Variants in SDCCAG8 observed in about 807,000 individuals in gnomAD.
SDCCAG8 encodes the protein SHH signaling and ciliogenesis regulator SDCCAG8.
In SDCCAG8, 74 loss-of-function variants were observed where a neutral mutation model predicts 101.8. The ratio of observed to expected loss-of-function variants is 0.73; its 90% CI spans 0.60 to 0.88. The LOEUF (loss-of-function observed/expected upper bound fraction) is 0.88, where lower values mean the gene tolerates loss of function less well. Among genes scored for constraint, SDCCAG8 ranks in the 40% least tolerant of loss-of-function variants. SDCCAG8 has a pLI of 0.00. For missense variants in SDCCAG8, 787 were observed against 822.6 expected (o/e 0.96, Z 0.53); for synonymous variants, 281 against 292.9 (o/e 0.96, Z 0.41).
intron 6 of SDCCAG8, among the ~76,000 whole-genome samples, chr1:243,295,917 T>C (rs1422698365): frequency 6.6e-6 from 1 of 152,188 alleles, no homozygotes; most frequent in Non-Finnish European, 1.5e-5. Context: ...CTCACAAGTG[T>C]TTTTCACTTT....
chr1:243,289,863 C>T (rs2070048317), intron 5 of SDCCAG8, among the ~76,000 whole-genome samples: 1 of 152,038 alleles, frequency 6.6e-6, no homozygotes, highest in South Asian at 2.1e-4. Context: ...AGAAGAATCT[C>T]CTTTTTATTG....
intron 7 of SDCCAG8, chr1:243,304,995 T>C: frequency 1.8e-6 from 1 of 542,280 alleles, no homozygotes; most frequent in Middle Eastern, 5.0e-4. Flanking sequence ...TTGTAAAATA[T>C]TTGTGTTTTC....
intron 12 of SDCCAG8, among the ~76,000 whole-genome samples, chr1:243,349,089 G>A (rs1220957381): frequency 6.6e-6 from 1 of 152,076 alleles, no homozygotes; most frequent in African/African-American, 2.4e-5. Flanking sequence ...AACTGCAAGT[G>A]TAAGGACCCT....
chr1:243,483,409 T>TA (rs1465945996), intron 16 of SDCCAG8, among the ~76,000 whole-genome samples: 2 of 151,918 alleles, frequency 1.3e-5, no homozygotes, highest in African/African-American at 4.8e-5. Flanking sequence ...GACCCGCCCC[T>TA]GCTCCCGCCT....
chr1:243,319,823 A>G (rs1343100015), intron 9 of SDCCAG8, among the ~76,000 whole-genome samples: 1 of 152,188 alleles, frequency 6.6e-6, no homozygotes, highest in Non-Finnish European at 1.5e-5. Flanking sequence ...TTCTACGCTA[A>G]CATCCTGCAT....
At chr1:243,353,527 T>TGTTGCCCA (rs2076221173) in intron 12 of SDCCAG8, among the ~76,000 whole-genome samples, 1 of 49,114 alleles carries the variant, frequency 2.0e-5, no homozygotes, top group Non-Finnish European at 5.2e-5. Flanking sequence ...AAAAAAAGAA[T>TGTTGCCCA]GTTGCCCAGC....
chr1:243,466,031 T>C (rs1342749480), intron 16 of SDCCAG8, among the ~76,000 whole-genome samples: 2 of 152,204 alleles, frequency 1.3e-5, no homozygotes, highest in Non-Finnish European at 2.9e-5. Flanking sequence ...ACCTATTCAA[T>C]TCATCTGAGA....
intron 9 of SDCCAG8, chr1:243,318,005 C>T (rs2073411320): frequency 2.2e-6 from 1 of 455,858 alleles, no homozygotes; most frequent in Non-Finnish European, 4.4e-6. Context: ...CATTCTGCTG[C>T]AAAGACACAT....
chr1:243,298,705 T>A (rs1437382614), intron 6 of SDCCAG8, among the ~76,000 whole-genome samples: 1 of 152,202 alleles, frequency 6.6e-6, no homozygotes, highest in Non-Finnish European at 1.5e-5. Context: ...TCCTATGTGT[T>A]TATACATCCA....
intron 7 of SDCCAG8, chr1:243,305,724 TA>T (rs979377792): frequency 6.6e-6 from 1 of 152,208 alleles, no homozygotes; most frequent in African/African-American, 2.4e-5. Context: ...TTTATTTTAA[TA>T]AGTCCAATTT....
intron 6 of SDCCAG8, among the ~76,000 whole-genome samples, chr1:243,300,007 G>T (rs1230327762): frequency 6.6e-6 from 1 of 151,830 alleles, no homozygotes; most frequent in Non-Finnish European, 1.5e-5. Context: ...TGGTAATATA[G>T]GCGCATGCCA....
intron 13 of SDCCAG8, among the ~76,000 whole-genome samples, chr1:243,394,147 C>CT (rs374649734): frequency 7.7e-4 from 117 of 151,854 alleles, no homozygotes; most frequent in African/African-American, 2.5e-3. Flanking sequence ...TTGTCTATTT[C>CT]TTTTTTTTGC....
intron 8 of SDCCAG8, among the ~76,000 whole-genome samples, chr1:243,309,624 C>T (rs2072513276): frequency 6.6e-6 from 1 of 152,160 alleles, no homozygotes; most frequent in Non-Finnish European, 1.5e-5. Context: ...CCTGCCTCAG[C>T]TTCCTGAGTA....
intron 1 of SDCCAG8, among the ~76,000 whole-genome samples, chr1:243,262,409 T>C (rs2067264500): frequency 6.6e-6 from 1 of 152,160 alleles, no homozygotes; most frequent in Admixed American, 6.6e-5. Flanking sequence ...CCTGGCCTCA[T>C]GTGGCTCTTC....
chr1:243,426,349 T>C, intron 15 of SDCCAG8, 78 bp from the exon 16 acceptor site: 1 of 1,238,082 alleles, frequency 8.1e-7, no homozygotes. Context: ...TTTAAGATAA[T>C]GTTAAGGTTA....
intron 12 of SDCCAG8, among the ~76,000 whole-genome samples, chr1:243,370,200 C>G (rs762608647): frequency 6.6e-6 from 1 of 151,944 alleles, no homozygotes; most frequent in East Asian, 1.9e-4. Flanking sequence ...AGATCTCTAT[C>G]TATGTATGCA....
chr1:243,271,063 G>C lies in SDCCAG8; in HGVS notation c.306G>C (p.Leu102Phe), dbSNP rs2068042346. The change falls in exon 3 of 18, where the codon TTG becomes TTC. Residue 102 changes from leucine to phenylalanine, a missense_variant and splice_region_variant. Physicochemically the swap from Leu to Phe is conservative, Grantham distance 22 (BLOSUM62 0). Transcript: ENST00000366541. ...SPSRRRKMSP[L>F]RSLEHEETNM... ...CAAGAAGAAGAAAAATGTCCCCCTT[G>C]GTAAGTATCAACTTTTCCAAGTTGA... 1 of 1,599,574 alleles carries C rather than the reference G, an allele frequency of 6.3e-7. No individual in the cohort carries two copies. Among genetic ancestry groups the C allele is most frequent in the Middle Eastern group, 1.7e-4 (1 of 6,040 alleles).
At chr1:243,391,535 C>A (rs2078697376) in intron 13 of SDCCAG8, among the ~76,000 whole-genome samples, 1 of 152,152 alleles carries the variant, frequency 6.6e-6, no homozygotes. Context: ...GGCAGGGTCA[C>A]CTGTGATAGG....
chr1:243,454,793 C>T (rs144608294), intron 16 of SDCCAG8, among the ~76,000 whole-genome samples: 1 of 152,080 alleles, frequency 6.6e-6, no homozygotes, highest in Non-Finnish European at 1.5e-5. Flanking sequence ...AAGAGTGGAC[C>T]GTTCACCTGG....
Sources: allele counts gnomAD v4.1 joint callset (sites outside exome capture counted in the v4.1 genomes callset), GRCh38; gene constraint gnomAD v4.1.1; transcripts MANE v1.5; gene names NCBI Gene and HGNC (gene_info 2026-07-23, HGNC 2026-07-21).